AGPS: variants seen among roughly 807,000 people sequenced by gnomAD.
The protein encoded by AGPS is alkyldihydroxyacetonephosphate synthase, peroxisomal.
Under a neutral mutation model 90.7 loss-of-function variants are expected in AGPS, and 26 were observed. The ratio of observed to expected loss-of-function variants is 0.29; its 90% CI spans 0.21 to 0.40. The LOEUF (loss-of-function observed/expected upper bound fraction) is 0.40, where lower values mean the gene tolerates loss of function less well. AGPS is among the 10% of genes least tolerant of loss of function. AGPS has a pLI of 1.00. For synonymous variants in AGPS, 294 were observed against 285.3 expected, an observed-to-expected ratio of 1.03 and a Z score of -0.31; for missense variants, 540 against 816.1, an observed-to-expected ratio of 0.66 and a Z score of 4.12.
At chr2:177,534,613 A>C (rs913661783) in intron 19 of AGPS, among the ~76,000 whole-genome samples, 7 of 132,356 alleles carry the variant, frequency 5.3e-5, no homozygotes, top group African/African-American at 2.0e-4. Flanking sequence ...TGAGCTATGG[A>C]GTCTCGCTCT....
intron 1 of AGPS, among the ~76,000 whole-genome samples, chr2:177,398,441 G>A (rs577096670): frequency 1.3e-5 from 2 of 152,246 alleles, no homozygotes; most frequent in South Asian, 4.2e-4. Context: ...TACAGTTGAG[G>A]AACTAGAGGC....
At chr2:177,490,193 T>A (rs963793436) in intron 11 of AGPS, among the ~76,000 whole-genome samples, 2 of 152,192 alleles carry the variant, frequency 1.3e-5, no homozygotes, top group Non-Finnish European at 2.9e-5. Context: ...TTCCATTTAA[T>A]TAACTGTAGT....
At chr2:177,453,784 T>C (rs1687025938) in intron 8 of AGPS, among the ~76,000 whole-genome samples, 1 of 132,810 alleles carries the variant, frequency 7.5e-6, no homozygotes, top group Admixed American at 8.8e-5. Flanking sequence ...GCCTCCCGGG[T>C]TCAAGTGATT....
rs965355208 is a variant in AGPS, at chr2:177,540,793, T to A, written c.*2598T>A. The A allele has an allele frequency of 2.6e-5, 4 of 152,016 alleles. No individual in the cohort carries two copies. The highest frequency in any genetic ancestry group is 9.7e-5 in the African/African-American group (4 of 41,410). The allele number at this position is 152,016 out of a possible 1,614,324, so 9.4% of individuals were successfully genotyped here. A position where few individuals can be genotyped will look rare whatever the true frequency, so the allele number is the denominator to read the frequency against. The stretch of plus-strand genomic sequence containing the variant: ...TGGTAATGTCACATTTGGGTTGGGG[T>A]TTCAGTGGGAATAGTAACTTGCCGC... On this transcript the variant is annotated 3_prime_UTR_variant, in exon 20 of 20. Coordinates refer to ENST00000264167, the MANE Select transcript of AGPS (RefSeq NM_003659.4).
At chr2:177,499,025 G>C (rs549511402) in intron 13 of AGPS, among the ~76,000 whole-genome samples, 1 of 151,804 alleles carries the variant, frequency 6.6e-6, no homozygotes, top group African/African-American at 2.4e-5. Flanking sequence ...GAATAAACTA[G>C]TACATTAATT....
rs147696354 is a variant in AGPS, at chr2:177,487,734, C to A, written c.1234-5414C>A. Reference sequence around the variant, plus strand: ...TTTTTCTCTGAAGCAGAGAGAATAACCCTAGTCAAGTGTTTGGTTAATTGG... The same window carrying A: ...TTTTTCTCTGAAGCAGAGAGAATAAACCTAGTCAAGTGTTTGGTTAATTGG... On this transcript the variant is annotated intron_variant, in intron 11 of 19. Transcript: ENST00000264167. Among the ~76,000 whole-genome samples, 101 of 152,020 alleles carry A rather than the reference C, an allele frequency of 6.6e-4. 1 individual carries two copies. The East Asian group carries it at 0.014, about 22-fold the overall frequency.
At chr2:177,437,408 A>G (rs1300372685) in intron 5 of AGPS, among the ~76,000 whole-genome samples, 1 of 152,182 alleles carries the variant, frequency 6.6e-6, no homozygotes, top group Admixed American at 6.5e-5. Flanking sequence ...ACTGCAAACT[A>G]ATATTAGTAA....
chr2:177,415,132 T>A (rs1405641197), intron 1 of AGPS, among the ~76,000 whole-genome samples: 1 of 152,170 alleles, frequency 6.6e-6, no homozygotes, highest in Non-Finnish European at 1.5e-5. Context: ...TATATGCATA[T>A]CTATTCAACT....
intron 16 of AGPS, among the ~76,000 whole-genome samples, chr2:177,510,754 C>T (rs916818412): frequency 6.6e-6 from 1 of 152,110 alleles, no homozygotes; most frequent in Non-Finnish European, 1.5e-5. Context: ...GTAAAATTTA[C>T]TTGTTGACAA....
At chr2:177,537,316 T>C (rs1215914340) in intron 19 of AGPS, among the ~76,000 whole-genome samples, 1 of 152,148 alleles carries the variant, frequency 6.6e-6, no homozygotes, top group Non-Finnish European at 1.5e-5. Context: ...CTAACCATTA[T>C]GTTACTTCAC....
Position 177,493,181 on chromosome 2 carries a change from A to AC in AGPS, c.1267_1268insC (p.Asn423ThrfsTer11). On this transcript the variant is annotated frameshift_variant, in exon 12 of 20. Coordinates refer to ENST00000264167, the MANE Select transcript of AGPS (RefSeq NM_003659.4). LOFTEE classifies it high-confidence loss of function. ...TCCGGCATCTATTCGCCTCATGGAC[A>AC]ACAAGCAGTTTCAGTTTGGTAAGTA... 6.2e-7 allele frequency: 1 copy of AC among 1,613,550 alleles called. No individual in the cohort carries two copies. Among genetic ancestry groups the AC allele is most frequent in the Non-Finnish European group, 8.5e-7 (1 of 1,179,646 alleles).
At chr2:177,400,605 T>G (rs1457287637) in intron 1 of AGPS, among the ~76,000 whole-genome samples, 2 of 152,198 alleles carry the variant, frequency 1.3e-5, no homozygotes, top group Admixed American at 6.5e-5. Context: ...TATCGTCTTG[T>G]CATTCACTAA....
chr2:177,432,608 T>C (rs868314543), intron 2 of AGPS, among the ~76,000 whole-genome samples: 1 of 152,358 alleles, frequency 6.6e-6, no homozygotes. Flanking sequence ...AAAGACTTTA[T>C]TTTAGTGATA....
intron 8 of AGPS, 78 bp from the exon 9 acceptor site, chr2:177,461,815 G>A: frequency 1.6e-6 from 2 of 1,238,802 alleles, no homozygotes; most frequent in Non-Finnish European, 1.1e-6. Flanking sequence ...AAATTTTAAA[G>A]TGGGAGGAGT....
At chr2:177,509,613 C>CCGAGAT (rs1414692931) in intron 16 of AGPS, among the ~76,000 whole-genome samples, 3 of 149,910 alleles carry the variant, frequency 2.0e-5, no homozygotes, top group Non-Finnish European at 3.0e-5. Flanking sequence ...TTGCAGTGAG[C>CCGAGAT]CGAGATCATG....
Position 177,437,025 on chromosome 2 carries a change from A to G in AGPS, c.608A>G (p.Glu203Gly). 1 of 1,613,616 alleles carries G rather than the reference A, an allele frequency of 6.2e-7. No individual in the cohort carries two copies. The highest frequency in any genetic ancestry group is 8.5e-7 in the Non-Finnish European group (1 of 1,179,758). ...EIFLLREGMF[E>G]RIPDIVLWPT... ...TTTTTGCTCAGGGAAGGAATGTTTG[A>G]GCGAATTCCTGATATAGTTTTATGG... Residue 203 changes from glutamate to glycine, a missense_variant, in exon 5 of 20, where the codon GAG (glutamate) becomes GGG (glycine). Physicochemically the swap from Glu to Gly is moderately conservative, Grantham distance 98. This residue lies in a region of AGPS where 405 missense variants were observed against 692.1 expected (regional missense o/e 0.59). Coordinates refer to ENST00000264167, the MANE Select transcript of AGPS (RefSeq NM_003659.4).
At chr2:177,438,608 T>C (rs1462366197) in intron 5 of AGPS, among the ~76,000 whole-genome samples, 2 of 152,140 alleles carry the variant, frequency 1.3e-5, no homozygotes, top group African/African-American at 4.8e-5. Flanking sequence ...TATATCCAGG[T>C]TTTTGTGAAG....
chr2:177,437,580 T>C (rs1440841356), intron 5 of AGPS, among the ~76,000 whole-genome samples: 3 of 152,274 alleles, frequency 2.0e-5, no homozygotes, highest in African/African-American at 7.2e-5. Context: ...GTAATTTTGC[T>C]CTTAGTGAGT....
intron 11 of AGPS, among the ~76,000 whole-genome samples, chr2:177,485,652 C>T (rs556649824): frequency 1.3e-5 from 2 of 152,282 alleles, no homozygotes; most frequent in South Asian, 4.1e-4. Context: ...TGCGGTGGCT[C>T]ACATCTGTAA....
Sources: gnomAD v4.1 joint callset for allele counts (sites outside exome capture counted in the v4.1 genomes callset) on GRCh38, gnomAD v4.1.1 for gene constraint, gnomAD v4.1.1 regional missense constraint, MANE v1.5 for transcripts, NCBI Gene and HGNC (gene_info 2026-07-23, HGNC 2026-07-21) for gene names.